The following PM20D1 variants were observed in gnomAD, a reference collection of about 807,000 sequenced individuals.
The protein encoded by PM20D1 is peptidase M20 domain containing 1.
A neutral mutation model predicts 53.8 loss-of-function variants in PM20D1; 53 were observed. That is an observed-to-expected ratio of 0.98 (90% CI 0.79 to 1.24). The LOEUF is 1.24. Ranked by LOEUF, PM20D1 falls within the 50% of genes most tolerant of loss-of-function variation. The pLI, the probability that PM20D1 is intolerant of heterozygous loss-of-function variation, is 0.00. For synonymous variants in PM20D1, 239 were observed against 241.3 expected (o/e 0.99, Z 0.09); for missense variants, 564 against 616.8 (o/e 0.91, Z 0.91).
chr1:205,843,901 G>C lies in PM20D1; in HGVS notation c.708-115C>G, dbSNP rs1571678218. 2.7e-6 allele frequency: 4 copies of C among 1,491,726 alleles called. No individual in the cohort carries two copies. The African/African-American group carries it at 5.6e-5, about 21-fold the overall frequency. 92.4% of individuals were successfully genotyped at this position (1,491,726 alleles called of 1,614,324 possible). A position where few individuals can be genotyped will look rare whatever the true frequency, so the allele number is the denominator to read the frequency against. ...GTGGGCAAGGAGGTAGCTTCATGCT[G>C]CTTTAAAAATTTTATACTGGAGGAA... On this transcript the variant is annotated intron_variant, in intron 5 of 12. Transcript: ENST00000367136.
At chr1:205,838,988 C>T (rs1451114837) in intron 10 of PM20D1, among the ~76,000 whole-genome samples, 2 of 152,200 alleles carry the variant, frequency 1.3e-5, no homozygotes, top group East Asian at 3.8e-4. Context: ...AGCTCTCTGT[C>T]TCCTTCTCTT....
Position 205,846,389 on chromosome 1 carries a change from A to C in PM20D1, c.257-832T>G, listed in dbSNP as rs143201770. On this transcript the variant is annotated intron_variant, in intron 2 of 12. Coordinates refer to ENST00000367136, the MANE Select transcript of PM20D1 (RefSeq NM_152491.5). The stretch of plus-strand genomic sequence containing the variant: ...TGACACAGCAAGACTCCAACTCAAA[A>C]AAAAAAGACTCACTATTAAGATGGT... Among the ~76,000 whole-genome samples the C allele has an allele frequency of 2.6e-3, 391 of 152,244 alleles. 1 individual carries two copies. The highest frequency in any genetic ancestry group is 4.0e-3 in the Non-Finnish European group (272 of 68,030).
intron 10 of PM20D1, among the ~76,000 whole-genome samples, chr1:205,835,204 G>A (rs1397267867): frequency 3.9e-5 from 6 of 152,168 alleles, no homozygotes; most frequent in Admixed American, 2.0e-4. Flanking sequence ...GGAAGGATAT[G>A]AAACTGACAG....
At chr1:205,831,566 CTTTTT>C (rs35289636) in intron 11 of PM20D1, among the ~76,000 whole-genome samples, 1 of 127,860 alleles carries the variant, frequency 7.8e-6, no homozygotes, top group Non-Finnish European at 1.7e-5. Context: ...CGTCTCTCTC[CTTTTT>C]TTTTTTTTTT....
intron 1 of PM20D1, among the ~76,000 whole-genome samples, chr1:205,849,432 T>G (rs920169380): frequency 2.0e-5 from 3 of 152,128 alleles, no homozygotes; most frequent in Admixed American, 1.3e-4. Context: ...TGTCACCCAC[T>G]GCCCACTCTT....
chr1:205,845,050 G>C (rs1038818753), intron 3 of PM20D1, among the ~76,000 whole-genome samples, 153 bp from the exon 4 acceptor site: 1 of 152,152 alleles, frequency 6.6e-6, no homozygotes, highest in Non-Finnish European at 1.5e-5. Flanking sequence ...TGGTACAGGG[G>C]ACCTGATGCG....
At chr1:205,838,736 G>T (rs1656739662) in intron 10 of PM20D1, among the ~76,000 whole-genome samples, 1 of 152,140 alleles carries the variant, frequency 6.6e-6, no homozygotes, top group Admixed American at 6.5e-5. Context: ...TCCAAATTAT[G>T]ATATTCTTGA....
chr1:205,843,877 T>A (rs554371209), intron 5 of PM20D1, 91 bp from the exon 6 acceptor site: 161 of 1,528,464 alleles, frequency 1.1e-4, no homozygotes, highest in Non-Finnish European at 1.3e-4. Flanking sequence ...AATAGTCTAG[T>A]GGGCAAGGAG....
intron 12 of PM20D1, 105 bp downstream of exon 12, chr1:205,830,175 G>A (rs904091595): frequency 1.2e-6 from 1 of 866,588 alleles, no homozygotes; most frequent in Non-Finnish European, 1.8e-6. Context: ...GCCAAATCCT[G>A]GCTTTCCCCC....
chr1:205,846,719 T>C (rs1009502155), intron 2 of PM20D1, among the ~76,000 whole-genome samples: 26 of 152,282 alleles, frequency 1.7e-4, no homozygotes, highest in African/African-American at 5.1e-4. Flanking sequence ...TAGATGTTCC[T>C]AGGGTCAATT....
intron 9 of PM20D1, among the ~76,000 whole-genome samples, chr1:205,840,963 C>T (rs1656792140): frequency 6.6e-6 from 1 of 152,206 alleles, no homozygotes; most frequent in Admixed American, 6.5e-5. Context: ...CTGGCTTGTT[C>T]TCTAGGGCTG....
In PM20D1 at chr1:205,849,812, T is replaced by G. The variant is rs984019126; in HGVS notation, c.169+92A>C. ...TCGGGGCTCCAGCTGCAGTAGCAGATGCTTTGCGGCGGAAGCGGGGAGTCA... is the reference window on the plus strand; with the variant it reads ...TCGGGGCTCCAGCTGCAGTAGCAGAGGCTTTGCGGCGGAAGCGGGGAGTCA... On this transcript the variant is annotated intron_variant, in intron 1 of 12. Coordinates refer to ENST00000367136, the MANE Select transcript of PM20D1 (RefSeq NM_152491.5). The G allele has an allele frequency of 9.0e-5, 133 of 1,479,902 alleles. 1 individual carries two copies. The East Asian group carries it at 3.1e-3, about 35-fold the overall frequency. 91.7% of individuals were successfully genotyped at this position (1,479,902 alleles called of 1,614,324 possible).
At chr1:205,844,285 G>A in intron 4 of PM20D1, 68 bp from the exon 5 acceptor site, 1 of 1,490,512 alleles carries the variant, frequency 6.7e-7, no homozygotes, top group African/African-American at 1.4e-5. Context: ...ATAGCTAATG[G>A]GGACCTATTC....
At chr1:205,832,800 T>A in intron 10 of PM20D1, 34 bp from the exon 11 acceptor site, 1 of 1,527,416 alleles carries the variant, frequency 6.5e-7, no homozygotes, top group Non-Finnish European at 8.8e-7. Flanking sequence ...TTCGATTTCT[T>A]ATTGATTTCT....
intron 1 of PM20D1, among the ~76,000 whole-genome samples, chr1:205,849,613 G>T (rs1448134293): frequency 6.6e-6 from 1 of 152,108 alleles, no homozygotes; most frequent in African/African-American, 2.4e-5. Flanking sequence ...TGTAATACTC[G>T]AGGCAAGCAG....
At chr1:205,843,539 A>AT (rs2102529559) in intron 6 of PM20D1, 128 bp downstream of exon 6, 2 of 1,383,344 alleles carry the variant, frequency 1.4e-6, no homozygotes, top group Non-Finnish European at 1.9e-6. Context: ...TCTAGTGTCA[A>AT]TTTTTTATAG....
chr1:205,842,107 G>A (rs373861265), intron 8 of PM20D1, 47 bp downstream of exon 8: 1 of 1,554,676 alleles, frequency 6.4e-7, no homozygotes, highest in South Asian at 1.1e-5. Context: ...TGGGGGGTGG[G>A]TAGGTTTGAG....
intron 10 of PM20D1, among the ~76,000 whole-genome samples, chr1:205,833,015 C>T (rs1025399740): frequency 8.5e-5 from 13 of 152,182 alleles, no homozygotes; most frequent in African/African-American, 3.1e-4. Context: ...ACTTGTCTTA[C>T]AGTCATGAAT....
At chr1:205,835,234 C>G (rs1480821558) in intron 10 of PM20D1, among the ~76,000 whole-genome samples, 3 of 152,274 alleles carry the variant, frequency 2.0e-5, no homozygotes, top group Admixed American at 2.0e-4. Context: ...AACAGATCGT[C>G]TGAGCATGGA....
Sources: allele counts gnomAD v4.1 joint callset (sites outside exome capture counted in the v4.1 genomes callset), GRCh38; gene constraint gnomAD v4.1.1; transcripts MANE v1.5; gene names NCBI Gene and HGNC (gene_info 2026-07-23, HGNC 2026-07-21).